IFFO2: variants seen among roughly 807,000 people sequenced by gnomAD.
The protein encoded by IFFO2 is intermediate filament family orphan 2.
IFFO2 carries 19 observed loss-of-function variants against 53.5 expected under a neutral mutation model. The observed-to-expected ratio is 0.36, with a 90% confidence interval of 0.25 to 0.52. The LOEUF is 0.52. Ranked by LOEUF, IFFO2 falls within the 20% of genes least tolerant of loss-of-function variation. The pLI, the probability that IFFO2 is intolerant of heterozygous loss-of-function variation, is 0.94. For missense variants in IFFO2, 570 were observed against 727.4 expected (o/e 0.78, Z 2.49); for synonymous variants, 303 against 313.6 (o/e 0.97, Z 0.36).
chr1:18,919,783 C>T lies in IFFO2; in HGVS notation c.727-10G>A, dbSNP rs1228718615. ...CAGCCTCCTGTGCTGCCTGCGGGGACGGAGATGGGGAGGCTTCAGAGGGGC... is the reference window on the plus strand; with the variant it reads ...CAGCCTCCTGTGCTGCCTGCGGGGATGGAGATGGGGAGGCTTCAGAGGGGC... On this transcript the variant is annotated splice_polypyrimidine_tract_variant and intron_variant, in intron 2 of 8. Coordinates refer to ENST00000455833, the MANE Select transcript of IFFO2 (RefSeq NM_001136265.2). The surrounding 1 kb of genome is among the most constrained non-coding windows in gnomAD (Gnocchi z 4.9). The T allele has an allele frequency of 1.3e-5, 20 of 1,544,908 alleles. No homozygotes were observed. Among genetic ancestry groups the T allele is most frequent in the East Asian group, 4.9e-5 (2 of 40,888 alleles).
intron 1 of IFFO2, among the ~76,000 whole-genome samples, chr1:18,932,935 C>T (rs775965041): frequency 5.9e-5 from 9 of 152,222 alleles, no homozygotes; most frequent in Non-Finnish European, 1.3e-4. Context: ...CATGAGCGAG[C>T]GTTGGGTGTT....
chr1:18,908,632 C>T lies in IFFO2; in HGVS notation c.1483G>A (p.Asp495Asn), dbSNP rs368483714. ...SPSPSSVASS[D>N]SGSTDEIQDE... The stretch of plus-strand genomic sequence containing the variant: ...TGGATCTCATCTGTACTTCCTGAGT[C>T]GCTGCTGGCCACGGAGCTGGGGGAC... Residue 495 changes from aspartate to asparagine, a missense_variant, in exon 9 of 9, where the codon GAC becomes AAC. Physicochemically the swap from Asp to Asn is conservative, Grantham distance 23. Coordinates refer to ENST00000455833, the MANE Select transcript of IFFO2 (RefSeq NM_001136265.2). 9 of 1,551,636 alleles carry T rather than the reference C, an allele frequency of 5.8e-6. 1 individual carries two copies. In the South Asian group the frequency reaches 7.1e-5, roughly 12 times the overall value.
rs200901048 is a variant in IFFO2 at position 18,913,827 on chromosome 1, T to TTTTG, written c.1104-1748_1104-1745dup. ...TCGTTGTTTGTTGTTGTTGTTGTTTTTTTGTTTGTTTGTTTGTTTGTTTGA... is the reference window on the plus strand; with the variant it reads ...TCGTTGTTTGTTGTTGTTGTTGTTTTTTTGTTTGTTTGTTTGTTTGTTTGTTTGA... On this transcript the variant is annotated intron_variant, in intron 5 of 8. Coordinates refer to ENST00000455833, the MANE Select transcript of IFFO2 (RefSeq NM_001136265.2). Among the ~76,000 whole-genome samples the TTTTG allele has an allele frequency of 1.5e-4, 22 of 148,074 alleles. 1 individual carries two copies. Among genetic ancestry groups the TTTTG allele is most frequent in the Admixed American group, 5.3e-4 (8 of 15,160 alleles).
Position 18,928,989 on chromosome 1 carries a change from C to T in IFFO2, c.666-7868G>A, listed in dbSNP as rs533230199. Among the ~76,000 whole-genome samples the T allele has an allele frequency of 6.6e-6, 1 of 152,188 alleles. No individual in the cohort carries two copies. Among genetic ancestry groups the T allele is most frequent in the Non-Finnish European group, 1.5e-5 (1 of 68,020 alleles). Reference sequence around the variant, plus strand: ...GCTGGGTGCCCTCTCCCAGAAGAAGCAGCAGCGTGGTGTGGGAGCATGCAT... The same window carrying T: ...GCTGGGTGCCCTCTCCCAGAAGAAGTAGCAGCGTGGTGTGGGAGCATGCAT... On this transcript the variant is annotated intron_variant, in intron 1 of 8. Coordinates refer to ENST00000455833, the MANE Select transcript of IFFO2 (RefSeq NM_001136265.2). The surrounding 1 kb of genome is among the most constrained non-coding windows in gnomAD (Gnocchi z 4.9).
chr1:18,940,538 T>G (rs1300382990), intron 1 of IFFO2, among the ~76,000 whole-genome samples: 1 of 151,274 alleles, frequency 6.6e-6, no homozygotes, highest in Non-Finnish European at 1.5e-5. Flanking sequence ...AAAGGATGGA[T>G]GGATGGACAG....
intron 1 of IFFO2, among the ~76,000 whole-genome samples, chr1:18,933,788 A>T (rs1340626957): frequency 6.6e-6 from 1 of 152,090 alleles, no homozygotes; most frequent in Non-Finnish European, 1.5e-5. Flanking sequence ...ACCATATAAC[A>T]TAGAATTTAC....
At chr1:18,943,215 T>C (rs1206245101) in intron 1 of IFFO2, among the ~76,000 whole-genome samples, 1 of 151,870 alleles carries the variant, frequency 6.6e-6, no homozygotes, top group Non-Finnish European at 1.5e-5. Context: ...AAAAATTATT[T>C]TTTTTAAAAA....
chr1:18,952,870 T>C (rs2148194020), intron 1 of IFFO2, among the ~76,000 whole-genome samples: 1 of 152,342 alleles, frequency 6.6e-6, no homozygotes, highest in South Asian at 2.1e-4. Flanking sequence ...TCAATGAAGT[T>C]GTTAAAATAT....
In IFFO2 at chr1:18,908,546, G is replaced by C. The variant is rs1206753957; in HGVS notation, c.*15C>G. On this transcript the variant is annotated 3_prime_UTR_variant, in exon 9 of 9. Coordinates refer to ENST00000455833, the MANE Select transcript of IFFO2 (RefSeq NM_001136265.2). Reference sequence around the variant, plus strand: ...CCCCATCACCAAGACCACCAGGCTCGCAGGGCCTCAGTCATCAGCTGACCA... The same window carrying C: ...CCCCATCACCAAGACCACCAGGCTCCCAGGGCCTCAGTCATCAGCTGACCA... 3 of 1,537,660 alleles carry C rather than the reference G, an allele frequency of 2.0e-6. No individual in the cohort carries two copies. The highest frequency in any genetic ancestry group is 2.6e-6 in the Non-Finnish European group (3 of 1,134,394).
chr1:18,951,381 C>G (rs1936657686), intron 1 of IFFO2, among the ~76,000 whole-genome samples: 1 of 152,060 alleles, frequency 6.6e-6, no homozygotes, highest in Non-Finnish European at 1.5e-5. Context: ...CCCCAGGCAC[C>G]AGGAAAAAAA....
At chr1:18,939,644 A>T (rs1315490877) in intron 1 of IFFO2, among the ~76,000 whole-genome samples, 17 of 152,216 alleles carry the variant, frequency 1.1e-4, no homozygotes, top group Admixed American at 1.1e-3. Flanking sequence ...GTCAAGGCAC[A>T]GTCTCTCAGG....
chr1:18,956,245 C>T lies in IFFO2; in HGVS notation c.88G>A (p.Gly30Ser), dbSNP rs1266303347. 2 of 1,174,686 alleles carry T rather than the reference C, an allele frequency of 1.7e-6. No individual in the cohort carries two copies. The highest frequency in any genetic ancestry group is 4.1e-5 in the South Asian group (2 of 49,222). The allele number at this position is 1,174,686 out of a possible 1,614,324, so 72.8% of individuals were successfully genotyped here. The stretch of plus-strand genomic sequence containing the variant: ...CCCGGCCCTGCCCCGCCGCCGCCGC[C>T]GCCCCCGCCAGGGCAGCCCCCGCCG... ...GGGGGCPGGG[G>S]GGGGAGPGPS... Residue 30 changes from glycine to serine, a missense_variant, in exon 1 of 9, where the codon GGC becomes AGC. Transcript: ENST00000455833. The surrounding 1 kb of genome is among the most constrained non-coding windows in gnomAD (Gnocchi z 6.4).
chr1:18,909,262 G>A (rs907538041), intron 8 of IFFO2, among the ~76,000 whole-genome samples: 8 of 152,134 alleles, frequency 5.3e-5, no homozygotes, highest in African/African-American at 1.7e-4. Flanking sequence ...GCAGCAAAAC[G>A]AGGAAAACAG....
intron 1 of IFFO2, among the ~76,000 whole-genome samples, chr1:18,930,108 G>C (rs1051724274): frequency 9.2e-5 from 14 of 152,304 alleles, no homozygotes; most frequent in African/African-American, 3.4e-4. Context: ...CTGTGACCTT[G>C]AGCAAGCTAT....
At chr1:18,925,845 T>G (rs1936278145) in intron 1 of IFFO2, among the ~76,000 whole-genome samples, 3 of 71,344 alleles carry the variant, frequency 4.2e-5, no homozygotes, top group Non-Finnish European at 5.6e-5. Flanking sequence ...GATGGATGGA[T>G]GGATGGATTG....
At chr1:18,935,956 C>T (rs1285204965) in intron 1 of IFFO2, among the ~76,000 whole-genome samples, 1 of 150,528 alleles carries the variant, frequency 6.6e-6, no homozygotes. Flanking sequence ...ATCCTCTCGC[C>T]TCAGACTCCC....
chr1:18,919,589 C>G lies in IFFO2; in HGVS notation c.822+89G>C. The stretch of plus-strand genomic sequence containing the variant: ...GCCAGCCAGGATTCTAACTAGAAGC[C>G]GAGCCCCGGAGCCTCGGAGGGAATG... On this transcript the variant is annotated intron_variant, in intron 3 of 8. Coordinates refer to ENST00000455833, the MANE Select transcript of IFFO2 (RefSeq NM_001136265.2). The surrounding 1 kb of genome is among the most constrained non-coding windows in gnomAD (Gnocchi z 4.9). The G allele has an allele frequency of 1.2e-6, 1 of 868,830 alleles. No homozygotes were observed. Among genetic ancestry groups the G allele is most frequent in the South Asian group, 1.5e-5 (1 of 68,734 alleles). The allele number at this position is 868,830 out of a possible 1,614,324, so 53.8% of individuals were successfully genotyped here. A position where few individuals can be genotyped will look rare whatever the true frequency, so the allele number is the denominator to read the frequency against.
chr1:18,923,909 A>T (rs187405460), intron 1 of IFFO2, among the ~76,000 whole-genome samples: 496 of 152,006 alleles, frequency 3.3e-3, no homozygotes, highest in African/African-American at 0.011. Flanking sequence ...CGAGTTCTGC[A>T]CCCTCCCAAC....
At chr1:18,921,336 G>A (rs1936213488) in intron 1 of IFFO2, among the ~76,000 whole-genome samples, 2 of 152,238 alleles carry the variant, frequency 1.3e-5, no homozygotes, top group South Asian at 4.1e-4. Context: ...AGTATCAGGT[G>A]GTGGTGACAA....
Sources: allele counts gnomAD v4.1 joint callset (sites outside exome capture counted in the v4.1 genomes callset), GRCh38; gene constraint gnomAD v4.1.1; non-coding constraint Gnocchi (gnomAD v3.1); transcripts MANE v1.5; gene names NCBI Gene and HGNC (gene_info 2026-07-23, HGNC 2026-07-21).